EXO1: variants seen among roughly 807,000 people sequenced by gnomAD.
The protein encoded by EXO1 is exonuclease 1.
EXO1 carries 69 observed loss-of-function variants against 84.5 expected under a neutral mutation model. The observed-to-expected ratio is 0.82, with a 90% confidence interval of 0.67 to 1.00. The LOEUF (loss-of-function observed/expected upper bound fraction) is 1.00, where lower values mean the gene tolerates loss of function less well. Ranked by LOEUF, EXO1 falls within the 50% of genes least tolerant of loss-of-function variation. EXO1 has a pLI of 0.00. For missense variants in EXO1, 1,045 were observed against 1,000.7 expected (o/e 1.04, Z -0.60); for synonymous variants, 373 against 366.1 (o/e 1.02, Z -0.21).
rs746503538 is a variant in EXO1 at position 241,878,763 on chromosome 1, C to T, written c.1529C>T (p.Ser510Leu). 5 of 1,611,104 alleles carry T rather than the reference C, an allele frequency of 3.1e-6. No individual in the cohort carries two copies. The highest frequency in any genetic ancestry group is 4.2e-6 in the Non-Finnish European group (5 of 1,178,146). Reference sequence around the variant, plus strand: ...TTTTTTATTAGGTTTTTTTGCAGTTCAGATTCTACTGACTGTGTATCAAAC... The same window carrying T: ...TTTTTTATTAGGTTTTTTTGCAGTTTAGATTCTACTGACTGTGTATCAAAC... ...PGTRSRFFCSSDSTDCVSNKV... is the reference protein window; with the variant it reads ...PGTRSRFFCSLDSTDCVSNKV... Residue 510 changes from serine to leucine, a missense_variant, in exon 13 of 16, where the codon TCA becomes TTA. Physicochemically the swap from Ser to Leu is moderately radical, Grantham distance 145 (BLOSUM62 -2). Coordinates refer to ENST00000366548, the MANE Select transcript of EXO1 (RefSeq NM_130398.4).
intron 10 of EXO1, among the ~76,000 whole-genome samples, chr1:241,864,128 G>A (rs1048723518): frequency 4.6e-5 from 7 of 152,144 alleles, no homozygotes; most frequent in African/African-American, 2.4e-5. Context: ...AAGGGGCCCC[G>A]AAAAGCTCAT....
In EXO1 at chr1:241,878,928, A is replaced by G; in HGVS notation, c.1694A>G (p.Asn565Ser). ...VARNSSDDIP[N>S]NHIPGDHIPD... ...CGTAATTCAAGTGATGACATTCCGA[A>G]TAATCATATTCCAGGTGATCATATT... The change falls in exon 13 of 16, where the codon AAT becomes AGT. Residue 565 changes from asparagine (N) to serine (S), a missense_variant. Physicochemically the swap from Asn to Ser is conservative, Grantham distance 46. Coordinates refer to ENST00000366548, the MANE Select transcript of EXO1 (RefSeq NM_130398.4). 1 of 1,614,218 alleles carries G rather than the reference A, an allele frequency of 6.2e-7. No homozygotes were observed. The highest frequency in any genetic ancestry group is 8.5e-7 in the Non-Finnish European group (1 of 1,180,032).
At chr1:241,858,820 C>A in intron 8 of EXO1, 102 bp downstream of exon 8, 1 of 849,460 alleles carries the variant, frequency 1.2e-6, no homozygotes, top group Non-Finnish European at 1.9e-6. Flanking sequence ...TGCGAATAAC[C>A]TATATTATAT....
In EXO1 at chr1:241,858,502, G is replaced by A; in HGVS notation, c.544-4G>A. ...GGTATTAACAATTTCCCTTCCTTTTGAAGGTAATTTTAAAGATGGACCAGT... is the reference window on the plus strand; with the variant it reads ...GGTATTAACAATTTCCCTTCCTTTTAAAGGTAATTTTAAAGATGGACCAGT... On this transcript the variant is annotated splice_region_variant and splice_polypyrimidine_tract_variant and intron_variant, in intron 7 of 15. Coordinates refer to ENST00000366548, the MANE Select transcript of EXO1 (RefSeq NM_130398.4). The A allele has an allele frequency of 6.2e-7, 1 of 1,608,082 alleles. No individual in the cohort carries two copies. Among genetic ancestry groups the A allele is most frequent in the Non-Finnish European group, 8.5e-7 (1 of 1,174,492 alleles).
In EXO1 at chr1:241,853,233, G is replaced by A; in HGVS notation, c.282-125G>A. ...GTTAATGTTCTCAAGGGCCTGGTGT[G>A]TACTTTCTAATGAGTCAAAAACTTT... On this transcript the variant is annotated intron_variant, in intron 5 of 15. Transcript: ENST00000366548. 20 of 946,000 alleles carry A rather than the reference G, an allele frequency of 2.1e-5. No individual in the cohort carries two copies. In the South Asian group the frequency reaches 2.3e-4, roughly 11 times the overall value. The allele number at this position is 946,000 out of a possible 1,614,324, so 58.6% of individuals were successfully genotyped here. A position where few individuals can be genotyped will look rare whatever the true frequency, so the allele number is the denominator to read the frequency against.
chr1:241,879,841 C>T (rs568088138), intron 13 of EXO1, among the ~76,000 whole-genome samples: 1 of 151,956 alleles, frequency 6.6e-6, no homozygotes, highest in East Asian at 1.9e-4. Flanking sequence ...CCTGTCTCTC[C>T]TAAAAATACA....
intron 15 of EXO1, among the ~76,000 whole-genome samples, chr1:241,888,831 T>C (rs1672935221): frequency 1.3e-5 from 2 of 152,038 alleles, no homozygotes; most frequent in Non-Finnish European, 2.9e-5. Context: ...TCCCAGCACT[T>C]TGGGAGGCTG....
chr1:241,887,378 A>G (rs1344503369), intron 15 of EXO1, among the ~76,000 whole-genome samples: 1 of 152,174 alleles, frequency 6.6e-6, no homozygotes, highest in African/African-American at 2.4e-5. Context: ...CATCTTTTAC[A>G]TGTAACATCA....
At position 241,866,826 on chromosome 1, in the gene EXO1, C is replaced by A; in HGVS notation, c.1042-4C>A. 27 of 1,592,178 alleles carry A rather than the reference C, an allele frequency of 1.7e-5. No individual in the cohort carries two copies. The highest frequency in any genetic ancestry group is 2.2e-5 in the Non-Finnish European group (26 of 1,160,160). ...AAATAATCTTTTTCCTTTTCCTTTT[C>A]TAGCCTGCCCATTCAAGAAGTCATA... On this transcript the variant is annotated splice_polypyrimidine_tract_variant and splice_region_variant and intron_variant, in intron 10 of 15. Transcript: ENST00000366548.
chr1:241,865,415 T>C (rs552500141), intron 10 of EXO1, among the ~76,000 whole-genome samples: 2 of 151,828 alleles, frequency 1.3e-5, no homozygotes, highest in South Asian at 4.2e-4. Context: ...TTCATCATAT[T>C]GGTCAGGCTG....
Position 241,879,060 on chromosome 1 carries a change from T to G in EXO1, c.1826T>G (p.Phe609Cys), listed in dbSNP as rs544468931. The G allele has an allele frequency of 9.3e-6, 15 of 1,614,220 alleles. No individual in the cohort carries two copies. The South Asian group carries it at 1.2e-4, about 13-fold the overall frequency. Residue 609 changes from phenylalanine to cysteine, a missense_variant, in exon 13 of 16, where the codon TTT becomes TGT. Physicochemically the swap from Phe to Cys is radical, Grantham distance 205 (BLOSUM62 -2). Transcript: ENST00000366548. ...PPTLGTLRSC[F>C]SWSGGLGDFS... ...ACTTTGGGAACACTAAGAAGTTGTT[T>G]TAGTTGGTCTGGAGGTCTTGGAGAT...
chr1:241,876,512 G>A (rs139193981), intron 12 of EXO1, among the ~76,000 whole-genome samples: 1,568 of 152,062 alleles, frequency 0.01, 19 homozygotes, highest in South Asian at 0.079. Flanking sequence ...AACCCAGGAG[G>A]AGGAGGTTGC....
chr1:241,889,931 A>C lies in EXO1; in HGVS notation c.*331A>C. 1 of 318,602 alleles carries C rather than the reference A, an allele frequency of 3.1e-6. No homozygotes were observed. Among genetic ancestry groups the C allele is most frequent in the Non-Finnish European group, 6.0e-6 (1 of 167,488 alleles). The allele number at this position is 318,602 out of a possible 1,614,324, so 19.7% of individuals were successfully genotyped here. ...TCAAGTAGAAAGATAGTAAATGGAGAAACTACAATCCTAGAGGAAATCACT... is the reference window on the plus strand; with the variant it reads ...TCAAGTAGAAAGATAGTAAATGGAGCAACTACAATCCTAGAGGAAATCACT... On this transcript the variant is annotated 3_prime_UTR_variant, in exon 16 of 16. Coordinates refer to ENST00000366548, the MANE Select transcript of EXO1 (RefSeq NM_130398.4).
At chr1:241,875,283 C>A (rs527685139) in intron 12 of EXO1, among the ~76,000 whole-genome samples, 3 of 152,276 alleles carry the variant, frequency 2.0e-5, no homozygotes, top group East Asian at 3.9e-4. Context: ...GGATTACAGG[C>A]GTGAGTCACC....
At chr1:241,870,128 T>C (rs539619822) in intron 11 of EXO1, among the ~76,000 whole-genome samples, 43 of 152,274 alleles carry the variant, frequency 2.8e-4, no homozygotes, top group African/African-American at 1.0e-3. Context: ...TTCTTTCATT[T>C]TCTTCTGCTA....
Position 241,885,411 on chromosome 1 carries a change from C to T in EXO1, c.2309C>T (p.Pro770Leu), listed in dbSNP as rs200622305. ...AGAGCCAGTGGGCTGAGCAAGAAGC[C>T]GGCAAGCATCCAGAAGAGAAAGCAT... ...PARASGLSKK[P>L]ASIQKRKHHN... The change falls in exon 15 of 16, where the codon CCG becomes CTG. Residue 770 changes from proline to leucine, a missense_variant. Transcript: ENST00000366548. 1.1e-4 allele frequency: 172 copies of T among 1,613,550 alleles called. 1 individual carries two copies. Among genetic ancestry groups the T allele is most frequent in the Non-Finnish European group, 1.2e-4 (147 of 1,179,788 alleles).
intron 4 of EXO1, among the ~76,000 whole-genome samples, chr1:241,851,056 A>G (rs4149860): frequency 2.6e-5 from 4 of 151,996 alleles, no homozygotes; most frequent in East Asian, 3.9e-4. Flanking sequence ...GCAGGTCTCA[A>G]ACTCCTCAAG....
intron 14 of EXO1, among the ~76,000 whole-genome samples, chr1:241,883,094 G>A (rs920149337): frequency 6.6e-6 from 1 of 152,114 alleles, no homozygotes; most frequent in African/African-American, 2.4e-5. Flanking sequence ...AAATATAGGT[G>A]AATTTTTTTC....
At chr1:241,864,232 T>A (rs894543432) in intron 10 of EXO1, among the ~76,000 whole-genome samples, 1 of 152,214 alleles carries the variant, frequency 6.6e-6, no homozygotes, top group South Asian at 2.1e-4. Flanking sequence ...TTGTGAATTC[T>A]CCAATGTTGG....
Sources: gnomAD v4.1 joint callset for allele counts (sites outside exome capture counted in the v4.1 genomes callset) on GRCh38, gnomAD v4.1.1 for gene constraint, MANE v1.5 for transcripts, NCBI Gene and HGNC (gene_info 2026-07-23, HGNC 2026-07-21) for gene names.